Variants in SGCZ observed in about 807,000 individuals in gnomAD.
SGCZ encodes the protein sarcoglycan zeta, also known as zeta-sarcoglycan.
Under a neutral mutation model 41.3 loss-of-function variants are expected in SGCZ, and 40 were observed. That is an observed-to-expected ratio of 0.97 (90% CI 0.75 to 1.26). The LOEUF (loss-of-function observed/expected upper bound fraction) is 1.26. Among genes scored for constraint, SGCZ ranks in the 50% most tolerant of loss-of-function variants. The pLI is 0.00. For synonymous variants in SGCZ, 206 were observed against 137.5 expected, an observed-to-expected ratio of 1.50 and a Z score of -3.49; for missense variants, 552 against 369.8, an observed-to-expected ratio of 1.49 and a Z score of -4.04.
intron 1 of SGCZ, among the ~76,000 whole-genome samples, chr8:14,643,409 A>G (rs1807090829): frequency 6.6e-6 from 1 of 151,728 alleles, no homozygotes; most frequent in Non-Finnish European, 1.5e-5. Flanking sequence ...GAAATAATTT[A>G]AAAATTTGCT....
chr8:14,527,739 T>A (rs1165784372), intron 2 of SGCZ, among the ~76,000 whole-genome samples: 1 of 152,104 alleles, frequency 6.6e-6, no homozygotes, highest in Non-Finnish European at 1.5e-5. Context: ...CATGTGTTAA[T>A]TACCACTGCG....
rs1807980148 is a variant in SGCZ at position 15,133,253 on chromosome 8, T to C, written c.39+104332A>G. On this transcript the variant is annotated intron_variant, in intron 1 of 7. Coordinates refer to ENST00000382080, the MANE Select transcript of SGCZ (RefSeq NM_139167.4). ...TTTACATTTTCTGTCCATATTCTTT[T>C]GGTATGTGTTTTTGATAAACTCTTC... Among the ~76,000 whole-genome samples the C allele has an allele frequency of 3.3e-5, 5 of 152,330 alleles. No homozygotes were observed. In the South Asian group the frequency reaches 1.0e-3, roughly 32 times the overall value.
intron 1 of SGCZ, among the ~76,000 whole-genome samples, chr8:15,069,270 G>C (rs1563483192): frequency 6.6e-6 from 1 of 152,110 alleles, no homozygotes; most frequent in African/African-American, 2.4e-5. Flanking sequence ...TTGGCCTCAA[G>C]TGATCCTCCT....
chr8:15,080,979 C>T (rs6530830), intron 1 of SGCZ, among the ~76,000 whole-genome samples: 3 of 152,062 alleles, frequency 2.0e-5, no homozygotes, highest in South Asian at 2.1e-4. Flanking sequence ...GAGGAGAAGG[C>T]GGCCACCTAC....
At chr8:14,860,179 A>C (rs1217863378) in intron 1 of SGCZ, among the ~76,000 whole-genome samples, 2 of 150,588 alleles carry the variant, frequency 1.3e-5, no homozygotes, top group Admixed American at 6.6e-5. Flanking sequence ...AAAATGCTAC[A>C]CAAAGTCTTT....
At chr8:14,972,047 T>C (rs764407687) in intron 1 of SGCZ, among the ~76,000 whole-genome samples, 9 of 152,192 alleles carry the variant, frequency 5.9e-5, no homozygotes, top group South Asian at 2.1e-4. Flanking sequence ...ACTGGCTTCA[T>C]AGAATGAGTT....
At chr8:14,486,113 T>C (rs1220777744) in intron 2 of SGCZ, among the ~76,000 whole-genome samples, 1 of 152,214 alleles carries the variant, frequency 6.6e-6, no homozygotes. Context: ...TATGTAACTA[T>C]GTTTAGCATG....
intron 1 of SGCZ, among the ~76,000 whole-genome samples, chr8:14,555,128 T>G (rs1028794940): frequency 2.0e-5 from 3 of 152,048 alleles, no homozygotes; most frequent in African/African-American, 4.8e-5. Context: ...TAGAGATGTT[T>G]AATTCATTGT....
chr8:14,824,883 G>C (rs530084180), intron 1 of SGCZ, among the ~76,000 whole-genome samples: 11 of 152,112 alleles, frequency 7.2e-5, no homozygotes, highest in African/African-American at 1.4e-4. Flanking sequence ...TTTCAACTGT[G>C]ATTTATATGC....
chr8:14,929,665 T>C (rs1367391869), intron 1 of SGCZ, among the ~76,000 whole-genome samples: 1 of 152,056 alleles, frequency 6.6e-6, no homozygotes, highest in Non-Finnish European at 1.5e-5. Context: ...AACCACCTTT[T>C]GTAAGGCCCT....
intron 1 of SGCZ, among the ~76,000 whole-genome samples, chr8:14,562,469 ATATAATGTTAAT>A (rs1221118409): frequency 6.6e-6 from 1 of 152,148 alleles, no homozygotes; most frequent in African/African-American, 2.4e-5. Context: ...TATATAAGCA[ATATAATGTTAAT>A]TAGTGATAGA....
At chr8:14,915,530 G>A (rs1305498164) in intron 1 of SGCZ, among the ~76,000 whole-genome samples, 1 of 152,064 alleles carries the variant, frequency 6.6e-6, no homozygotes, top group African/African-American at 2.4e-5. Flanking sequence ...CAAGATGGCG[G>A]CCCCATCTTC....
At chr8:14,497,351 C>G (rs1217305543) in intron 2 of SGCZ, among the ~76,000 whole-genome samples, 1 of 151,962 alleles carries the variant, frequency 6.6e-6, no homozygotes, top group Non-Finnish European at 1.5e-5. Context: ...GGGAGAGGTC[C>G]AAGTCTGTTT....
At chr8:14,827,187 G>A (rs566257882) in intron 1 of SGCZ, among the ~76,000 whole-genome samples, 7 of 149,214 alleles carry the variant, frequency 4.7e-5, no homozygotes, top group African/African-American at 1.7e-4. Flanking sequence ...AGACTCCAAT[G>A]TGCCAAGGAT....
At chr8:14,654,514 A>G (rs1807498604) in intron 1 of SGCZ, among the ~76,000 whole-genome samples, 1 of 152,150 alleles carries the variant, frequency 6.6e-6, no homozygotes, top group South Asian at 2.1e-4. Flanking sequence ...CAAGCACTCA[A>G]TAAATATGAG....
At chr8:15,193,043 A>C (rs938467328) in intron 1 of SGCZ, among the ~76,000 whole-genome samples, 2 of 152,082 alleles carry the variant, frequency 1.3e-5, no homozygotes, top group African/African-American at 4.8e-5. Flanking sequence ...ATAATTGGTG[A>C]ATACTGGTAG....
At chr8:14,388,142 C>T (rs1804639421) in intron 2 of SGCZ, among the ~76,000 whole-genome samples, 1 of 151,818 alleles carries the variant, frequency 6.6e-6, no homozygotes, top group Admixed American at 6.6e-5. Context: ...GAAGTTTGGT[C>T]CTAGAGATGA....
chr8:15,158,333 A>T (rs962207853), intron 1 of SGCZ, among the ~76,000 whole-genome samples: 5 of 152,004 alleles, frequency 3.3e-5, no homozygotes, highest in Non-Finnish European at 5.9e-5. Flanking sequence ...TTTGCTAGCT[A>T]TTTGTGGAAT....
intron 2 of SGCZ, among the ~76,000 whole-genome samples, chr8:14,544,639 G>A (rs1803570080): frequency 6.6e-6 from 1 of 152,024 alleles, no homozygotes; most frequent in Non-Finnish European, 1.5e-5. Flanking sequence ...ATACACCCTG[G>A]TCTCCTGCAG....
Sources: allele counts gnomAD v4.1 joint callset (sites outside exome capture counted in the v4.1 genomes callset), GRCh38; gene constraint gnomAD v4.1.1; transcripts MANE v1.5; gene names NCBI Gene and HGNC (gene_info 2026-07-23, HGNC 2026-07-21).